Variants in MARK4 observed in about 807,000 individuals in gnomAD.
MARK4 encodes MAP/microtubule affinity-regulating kinase 4.
MARK4 carries 19 observed loss-of-function variants against 81.5 expected under a neutral mutation model. The observed-to-expected ratio is 0.23, with a 90% confidence interval of 0.16 to 0.34. The LOEUF (loss-of-function observed/expected upper bound fraction) is 0.34, where lower values mean the gene tolerates loss of function less well. Among genes scored for constraint, MARK4 ranks in the 10% least tolerant of loss-of-function variants. The pLI, the probability that MARK4 is intolerant of heterozygous loss-of-function variation, is 1.00. For synonymous variants in MARK4, 436 were observed against 439.0 expected (o/e 0.99, Z 0.08); for missense variants, 772 against 1,058.8 (o/e 0.73, Z 3.76).
At chr19:45,257,278 A>G (rs1452650915) in intron 1 of MARK4, among the ~76,000 whole-genome samples, 1 of 152,200 alleles carries the variant, frequency 6.6e-6, no homozygotes, top group Non-Finnish European at 1.5e-5. Context: ...TCTTTTAACA[A>G]GAAAGTATTA....
chr19:45,260,705 T>A (rs1220189006), intron 2 of MARK4, among the ~76,000 whole-genome samples: 1 of 49,862 alleles, frequency 2.0e-5, no homozygotes, highest in Non-Finnish European at 7.3e-5. Context: ...AAAAAATAAA[T>A]AAATAAATAA....
chr19:45,276,246 C>T (rs1970595930), intron 8 of MARK4, among the ~76,000 whole-genome samples: 1 of 152,092 alleles, frequency 6.6e-6, no homozygotes, highest in South Asian at 2.1e-4. Flanking sequence ...AGGCTGGTCT[C>T]AAACTCACGG....
chr19:45,296,448 A>G (rs1970888706), intron 14 of MARK4, among the ~76,000 whole-genome samples: 2 of 152,346 alleles, frequency 1.3e-5, no homozygotes, highest in African/African-American at 2.4e-5. Context: ...CCAATCAGGA[A>G]GAAGTGGGGA....
Position 45,280,761 on chromosome 19 carries a change from C to T in MARK4, c.1276+27C>T, listed in dbSNP as rs1191946828. ...TGAGTATCAACCCCACGCCCTCACGCACCCTCCTTCTCCCCAAGGCCCAGA... is the reference window on the plus strand; with the variant it reads ...TGAGTATCAACCCCACGCCCTCACGTACCCTCCTTCTCCCCAAGGCCCAGA... On this transcript the variant is annotated intron_variant, in intron 12 of 16. Coordinates refer to ENST00000262891, the MANE Select transcript of MARK4 (RefSeq NM_001199867.2). 5 of 1,611,146 alleles carry T rather than the reference C, an allele frequency of 3.1e-6. 1 individual carries two copies. The highest frequency in any genetic ancestry group is 2.2e-5 in the South Asian group (2 of 90,880).
At chr19:45,285,473 G>A (rs956424065) in intron 12 of MARK4, among the ~76,000 whole-genome samples, 11 of 152,078 alleles carry the variant, frequency 7.2e-5, no homozygotes, top group African/African-American at 2.7e-4. Context: ...GAGGAGAGAG[G>A]TGTCAGGGAA....
At chr19:45,289,214 C>T (rs899182817) in intron 13 of MARK4, among the ~76,000 whole-genome samples, 6 of 151,776 alleles carry the variant, frequency 4.0e-5, no homozygotes, top group African/African-American at 7.3e-5. Context: ...TGGTGAAACC[C>T]CATCTATACT....
Position 45,278,057 on chromosome 19 carries a change from A to G in MARK4, c.906+15A>G, listed in dbSNP as rs761067672. On this transcript the variant is annotated intron_variant, in intron 9 of 16. Coordinates refer to ENST00000262891, the MANE Select transcript of MARK4 (RefSeq NM_001199867.2). ...GTACTCTCGAGGTGAGCCCAGCCTC[A>G]CAGCCAGCGGGAGCCCTTCTAGTCT... The G allele has an allele frequency of 1.2e-6, 2 of 1,612,236 alleles. No homozygotes were observed. The highest frequency in any genetic ancestry group is 1.7e-6 in the Non-Finnish European group (2 of 1,179,534).
At chr19:45,298,779 G>C (rs945731041) in intron 15 of MARK4, among the ~76,000 whole-genome samples, 7 of 152,036 alleles carry the variant, frequency 4.6e-5, no homozygotes, top group African/African-American at 1.4e-4. Context: ...TAACTAAGAA[G>C]AAAAATAGAG....
At position 45,251,283 on chromosome 19, in the gene MARK4, C is replaced by CCCCTCCACCGCCT. The variant is rs1303059526; in HGVS notation, c.-299_-287dup. 2.7e-5 allele frequency: 4 copies of CCCCTCCACCGCCT among 145,816 alleles called. No individual in the cohort carries two copies. Among genetic ancestry groups the CCCCTCCACCGCCT allele is most frequent in the African/African-American group, 1.0e-4 (4 of 39,472 alleles). 9.0% of individuals were successfully genotyped at this position (145,816 alleles called of 1,614,324 possible). A position where few individuals can be genotyped will look rare whatever the true frequency, so the allele number is the denominator to read the frequency against. ...CTGACGTCCCTTCCTCCCTCCCCAG[C>CCCCTCCACCGCCT]CCCTCCACCGCCTCCCTCCGCCGCC... On this transcript the variant is annotated 5_prime_UTR_variant, in exon 1 of 17. Coordinates refer to ENST00000262891, the MANE Select transcript of MARK4 (RefSeq NM_001199867.2).
In MARK4 at chr19:45,279,303, G is replaced by T. The variant is rs180709571; in HGVS notation, c.1006+688G>T. 1.5e-4 allele frequency among the ~76,000 whole-genome samples: 23 copies of T among 152,206 alleles called. No homozygotes were observed. In the East Asian group the frequency reaches 4.3e-3, roughly 28 times the overall value. ...AGGCTGAGGCTGACAGATCACCTGAGGTCAGGAGTTCGAGACCAGCCTGGC... is the reference window on the plus strand; with the variant it reads ...AGGCTGAGGCTGACAGATCACCTGATGTCAGGAGTTCGAGACCAGCCTGGC... On this transcript the variant is annotated intron_variant, in intron 10 of 16. Coordinates refer to ENST00000262891, the MANE Select transcript of MARK4 (RefSeq NM_001199867.2).
In MARK4 at chr19:45,264,668, T is replaced by G. The variant is rs530365814; in HGVS notation, c.356-16T>G. 6.2e-7 allele frequency: 1 copy of G among 1,613,904 alleles called. No homozygotes were observed. Among genetic ancestry groups the G allele is most frequent in the African/African-American group, 1.3e-5 (1 of 74,994 alleles). On this transcript the variant is annotated splice_polypyrimidine_tract_variant and intron_variant, in intron 4 of 16. Coordinates refer to ENST00000262891, the MANE Select transcript of MARK4 (RefSeq NM_001199867.2). ...CCTTTCTCCCTAATGCCCTACACTG[T>G]TCCCAACCATTATAGTGAAGCTCTT...
At chr19:45,298,274 G>A (rs774954335) in intron 15 of MARK4, 1 of 1,575,608 alleles carries the variant, frequency 6.3e-7, no homozygotes, top group Non-Finnish European at 8.7e-7. Context: ...CTGCCTGCAT[G>A]TCTGACCTGT....
At chr19:45,282,940 C>T (rs747968997) in intron 12 of MARK4, among the ~76,000 whole-genome samples, 95 of 152,130 alleles carry the variant, frequency 6.2e-4, no homozygotes, top group Admixed American at 4.6e-4. Context: ...CGTGGTGAGC[C>T]GTGATCGCGC....
At chr19:45,300,739 C>T (rs995196500) in intron 16 of MARK4, among the ~76,000 whole-genome samples, 1 of 152,174 alleles carries the variant, frequency 6.6e-6, no homozygotes, top group Non-Finnish European at 1.5e-5. Context: ...CTGCAACAAA[C>T]TGCCAGGGCT....
At position 45,280,644 on chromosome 19, in the gene MARK4, G is replaced by C. The variant is rs181363063; in HGVS notation, c.1186G>C (p.Gly396Arg). 3 of 1,614,134 alleles carry C rather than the reference G, an allele frequency of 1.9e-6. No homozygotes were observed. The African/African-American group carries it at 4.0e-5, about 22-fold the overall frequency. Residue 396 changes from glycine to arginine, a missense_variant, in exon 12 of 17, where the codon GGA (glycine) becomes CGA (arginine). Gly to Arg is a moderately radical substitution (Grantham distance 125, BLOSUM62 -2). Transcript: ENST00000262891. ...GCGGGCGCCCAGCGACACCACCAACGGAACAAGTTCCAGCAAAGGCACCAG... is the reference window on the plus strand; with the variant it reads ...GCGGGCGCCCAGCGACACCACCAACCGAACAAGTTCCAGCAAAGGCACCAG... ...RVRAPSDTTN[G>R]TSSSKGTSHS...
At chr19:45,285,532 C>T (rs1970731784) in intron 12 of MARK4, among the ~76,000 whole-genome samples, 1 of 152,308 alleles carries the variant, frequency 6.6e-6, no homozygotes, top group South Asian at 2.1e-4. Context: ...TTCTGCCCTA[C>T]CCCCACCATT....
chr19:45,267,971 T>C (rs1970477498), intron 7 of MARK4, among the ~76,000 whole-genome samples: 1 of 152,142 alleles, frequency 6.6e-6, no homozygotes, highest in Admixed American at 6.5e-5. Context: ...AATTTTTGTA[T>C]TTTTAGTAGA....
At chr19:45,259,316 A>G in intron 2 of MARK4, 127 bp downstream of exon 2, 6 of 983,718 alleles carry the variant, frequency 6.1e-6, no homozygotes, top group Non-Finnish European at 8.9e-6. Context: ...CCGACTCTCT[A>G]TGGGACAGGT....
chr19:45,287,821 T>C (rs1361317637), intron 13 of MARK4, 157 bp downstream of exon 13: 1 of 852,608 alleles, frequency 1.2e-6, no homozygotes, highest in Non-Finnish European at 1.9e-6. Context: ...GTGCCTCTGT[T>C]TGCCTGAGCT....
Sources: allele counts gnomAD v4.1 joint callset (sites outside exome capture counted in the v4.1 genomes callset), GRCh38; gene constraint gnomAD v4.1.1; transcripts MANE v1.5; gene names NCBI Gene and HGNC (gene_info 2026-07-23, HGNC 2026-07-21).